RBFOX2: variants seen among roughly 807,000 people sequenced by gnomAD.
The protein encoded by RBFOX2 is RNA binding protein fox-1 homolog 2.
A neutral mutation model predicts 49.1 loss-of-function variants in RBFOX2; 10 were observed. The observed-to-expected ratio is 0.20, with a 90% confidence interval of 0.13 to 0.35. The LOEUF is 0.35. RBFOX2 is among the 10% of genes least tolerant of loss of function. RBFOX2 has a pLI of 1.00. For missense variants in RBFOX2, 323 were observed against 486.9 expected (o/e 0.66, Z 3.17); for synonymous variants, 183 against 187.4 (o/e 0.98, Z 0.19).
intron 1 of RBFOX2, among the ~76,000 whole-genome samples, chr22:35,885,000 C>T (rs1488740478): frequency 6.6e-6 from 1 of 152,028 alleles, no homozygotes; most frequent in Non-Finnish European, 1.5e-5. Flanking sequence ...CTTTAACAAT[C>T]GAAAATTTCT....
intron 1 of RBFOX2, among the ~76,000 whole-genome samples, chr22:36,001,050 A>G (rs2058394593): frequency 6.6e-6 from 1 of 152,192 alleles, no homozygotes; most frequent in Non-Finnish European, 1.5e-5. Flanking sequence ...CCATTAAAGT[A>G]CTAAAGGAAA....
chr22:35,769,555 C>T (rs965211415), intron 4 of RBFOX2, among the ~76,000 whole-genome samples: 2 of 152,132 alleles, frequency 1.3e-5, no homozygotes, highest in Non-Finnish European at 2.9e-5. Context: ...CAAATAATTT[C>T]CATGCTGCTT....
intron 1 of RBFOX2, among the ~76,000 whole-genome samples, chr22:35,817,005 T>G (rs967514052): frequency 1.3e-5 from 2 of 152,138 alleles, no homozygotes; most frequent in Non-Finnish European, 2.9e-5. Flanking sequence ...TAGGATTCAG[T>G]GGGTTGGAAC....
chr22:35,991,905 T>C (rs931141380), intron 1 of RBFOX2, among the ~76,000 whole-genome samples: 3 of 152,180 alleles, frequency 2.0e-5, no homozygotes, highest in Admixed American at 6.5e-5. Flanking sequence ...ACAATTACTT[T>C]TTTACACACC....
At chr22:35,960,738 G>C (rs1487863872) in intron 1 of RBFOX2, among the ~76,000 whole-genome samples, 2 of 152,132 alleles carry the variant, frequency 1.3e-5, no homozygotes, top group Non-Finnish European at 2.9e-5. Flanking sequence ...ATCACGAAGA[G>C]CCAATTCGAA....
chr22:35,938,848 T>A (rs766281200), exon 1 of RBFOX2: 2 of 1,613,482 alleles, frequency 1.2e-6, no homozygotes, highest in Non-Finnish European at 1.7e-6. Flanking sequence ...GATACCAACC[T>A]GGCTGTCCCG....
Position 35,987,656 on chromosome 22 carries a change from G to A in RBFOX2, c.186+40584C>T, listed in dbSNP as rs528341324. ...ATCTGTCAGCCTGTCATAAAGAAGC[G>A]TGTGATACAACAGCAGTGACTCAAA... On this transcript the variant is annotated intron_variant, in intron 1 of 13. Transcript: ENST00000438146. Among the ~76,000 whole-genome samples the A allele has an allele frequency of 2.6e-5, 4 of 152,240 alleles. No homozygotes were observed. In the South Asian group the frequency reaches 6.2e-4, roughly 24 times the overall value.
chr22:36,009,551 T>C (rs887149856), intron 1 of RBFOX2, among the ~76,000 whole-genome samples: 2 of 152,084 alleles, frequency 1.3e-5, no homozygotes, highest in Non-Finnish European at 2.9e-5. Flanking sequence ...GTTTCGTTTT[T>C]TTTGTTTTTT....
chr22:35,982,679 T>C (rs2057519803), intron 1 of RBFOX2, among the ~76,000 whole-genome samples: 1 of 152,092 alleles, frequency 6.6e-6, no homozygotes, highest in Non-Finnish European at 1.5e-5. Context: ...CTACAGTCCC[T>C]ACAATGGAAC....
Position 35,885,507 on chromosome 22 carries a change from C to G in RBFOX2, c.-34+53340G>C, listed in dbSNP as rs151272335. On this transcript the variant is annotated intron_variant, in intron 1 of 13. Transcript: ENST00000359369. Reference sequence around the variant, plus strand: ...GTCTAATCATATGGCAGGCTAATGACTAGGCCAGGGACAGAAATGTAACTA... The same window carrying G: ...GTCTAATCATATGGCAGGCTAATGAGTAGGCCAGGGACAGAAATGTAACTA... 3.2e-4 allele frequency among the ~76,000 whole-genome samples: 48 copies of G among 152,270 alleles called. No homozygotes were observed. In the East Asian group the frequency reaches 8.1e-3, roughly 26 times the overall value.
At chr22:35,874,848 T>G (rs150367486) in intron 1 of RBFOX2, among the ~76,000 whole-genome samples, 2 of 152,346 alleles carry the variant, frequency 1.3e-5, no homozygotes, top group African/African-American at 4.8e-5. Context: ...GTTGAGGCCC[T>G]AACTCACCTC....
upstream of RBFOX2, among the ~76,000 whole-genome samples, chr22:35,962,228 T>C (rs1603458958): frequency 6.6e-6 from 1 of 152,156 alleles, no homozygotes; most frequent in African/African-American, 2.4e-5. Context: ...TCCTCCATCA[T>C]AGGAAGAATA....
At chr22:35,923,829 A>G (rs1348288660) in intron 1 of RBFOX2, among the ~76,000 whole-genome samples, 2 of 152,114 alleles carry the variant, frequency 1.3e-5, no homozygotes, top group African/African-American at 4.8e-5. Context: ...ATACAGGACT[A>G]TAGATACATA....
intron 3 of RBFOX2, among the ~76,000 whole-genome samples, chr22:35,779,268 A>T (rs1326234325): frequency 6.6e-6 from 1 of 152,158 alleles, no homozygotes; most frequent in Admixed American, 6.5e-5. Context: ...AAATTTCCAG[A>T]TATCTTTTTG....
At chr22:35,850,424 CA>C (rs1172797124) in intron 1 of RBFOX2, among the ~76,000 whole-genome samples, 1 of 152,114 alleles carries the variant, frequency 6.6e-6, no homozygotes, top group Non-Finnish European at 1.5e-5. Flanking sequence ...GGACAGCTGG[CA>C]GGATCAGCAC....
intron 1 of RBFOX2, among the ~76,000 whole-genome samples, chr22:35,902,341 T>C (rs1487392274): frequency 1.3e-5 from 2 of 152,108 alleles, no homozygotes; most frequent in Non-Finnish European, 2.9e-5. Context: ...CCTCAATCAT[T>C]TGTCCTCTCC....
chr22:36,026,066 A>T (rs879334562), intron 1 of RBFOX2, among the ~76,000 whole-genome samples: 1 of 152,138 alleles, frequency 6.6e-6, no homozygotes, highest in Admixed American at 6.5e-5. Flanking sequence ...GGAGTTCGAG[A>T]CCAGCCTGGC....
chr22:35,834,000 A>G (rs536347718), intron 1 of RBFOX2, among the ~76,000 whole-genome samples: 7 of 152,360 alleles, frequency 4.6e-5, no homozygotes, highest in Admixed American at 4.6e-4. Context: ...CATTACTGCA[A>G]GTGTTTTATC....
At chr22:35,859,972 C>T (rs2042932679) in intron 1 of RBFOX2, among the ~76,000 whole-genome samples, 1 of 152,186 alleles carries the variant, frequency 6.6e-6, no homozygotes, top group Non-Finnish European at 1.5e-5. Context: ...GTTAGGGAAA[C>T]ATACCTAAAA....
Sources: gnomAD v4.1 joint callset for allele counts (sites outside exome capture counted in the v4.1 genomes callset) on GRCh38, gnomAD v4.1.1 for gene constraint, MANE v1.5 for transcripts, NCBI Gene and HGNC (gene_info 2026-07-23, HGNC 2026-07-21) for gene names.